NALF1: variants seen among roughly 807,000 people sequenced by gnomAD.
NALF1 encodes NALCN channel auxiliary factor 1.
A neutral mutation model predicts 48.4 loss-of-function variants in NALF1; 3 were observed. The observed-to-expected ratio is 0.06, with a 90% confidence interval of 0.03 to 0.16. The LOEUF is 0.16. Ranked by LOEUF, NALF1 falls within the 10% of genes least tolerant of loss-of-function variation. The probability of loss-of-function intolerance (pLI) is 1.00; values close to 1 mark genes in which losing one functional copy is unlikely to be tolerated. For missense variants in NALF1, 526 were observed against 571.5 expected (o/e 0.92, Z 0.81); for synonymous variants, 262 against 245.7 (o/e 1.07, Z -0.62).
At chr13:107,722,163 G>C (rs1212679527) in intron 1 of NALF1, among the ~76,000 whole-genome samples, 1 of 152,048 alleles carries the variant, frequency 6.6e-6, no homozygotes, top group Non-Finnish European at 1.5e-5. Flanking sequence ...AGAACACATG[G>C]TCTTATCATA....
rs1882880830 is a variant in NALF1, at chr13:107,351,762, G to C, written c.916-141007C>G. Among the ~76,000 whole-genome samples, 4 of 152,228 alleles carry C rather than the reference G, an allele frequency of 2.6e-5. 1 individual carries two copies. In the South Asian group the frequency reaches 8.3e-4, roughly 32 times the overall value. ...ACATATTTAGAGACAATTTTCTCTA[G>C]TGTCTTTTTTTAGGTTGACACTGTC... is the stretch of plus-strand genomic sequence containing the variant. On this transcript the variant is annotated intron_variant, in intron 1 of 2. Transcript: ENST00000375915.
At chr13:107,568,532 T>C (rs1484235583) in intron 1 of NALF1, among the ~76,000 whole-genome samples, 1 of 152,206 alleles carries the variant, frequency 6.6e-6, no homozygotes, top group African/African-American at 2.4e-5. Flanking sequence ...ACCAAACTAT[T>C]TTTGGAATAG....
intron 1 of NALF1, among the ~76,000 whole-genome samples, chr13:107,602,722 G>A (rs1010758434): frequency 6.6e-5 from 10 of 151,986 alleles, no homozygotes; most frequent in African/African-American, 9.7e-5. Flanking sequence ...TTATTCCTTC[G>A]CGTCTAACCC....
rs1881104252 is a variant in NALF1 at position 107,675,790 on chromosome 13, G to C, written c.915+189892C>G. Among the ~76,000 whole-genome samples, 3 of 152,258 alleles carry C rather than the reference G, an allele frequency of 2.0e-5. No individual in the cohort carries two copies. The South Asian group carries it at 6.2e-4, about 32-fold the overall frequency. On this transcript the variant is annotated intron_variant, in intron 1 of 2. Coordinates refer to ENST00000375915, the MANE Select transcript of NALF1 (RefSeq NM_001080396.3). ...GAATTACTTTGACAAGGAATACCAA[G>C]TCACTATTATAGAGCCAATCCAGAT... is the stretch of plus-strand genomic sequence containing the variant.
At chr13:107,256,303 T>C (rs764922240) in intron 1 of NALF1, among the ~76,000 whole-genome samples, 16 of 152,224 alleles carry the variant, frequency 1.1e-4, no homozygotes, top group Non-Finnish European at 1.6e-4. Context: ...TGTGCCTCTC[T>C]TCCTAACCCT....
At chr13:107,325,885 T>TACAC (rs1468507070) in intron 1 of NALF1, among the ~76,000 whole-genome samples, 111 of 69,744 alleles carry the variant, frequency 1.6e-3, no homozygotes, top group East Asian at 3.8e-3. Flanking sequence ...TATATATATA[T>TACAC]ATACACACAC....
At chr13:107,655,592 A>AATT (rs1880555650) in intron 1 of NALF1, among the ~76,000 whole-genome samples, 1 of 152,138 alleles carries the variant, frequency 6.6e-6, no homozygotes, top group Non-Finnish European at 1.5e-5. Flanking sequence ...TGCCAAAAGA[A>AATT]ATCTACAAAT....
At chr13:107,550,457 A>C (rs1195702814) in intron 1 of NALF1, among the ~76,000 whole-genome samples, 2 of 152,146 alleles carry the variant, frequency 1.3e-5, no homozygotes, top group African/African-American at 4.8e-5. Flanking sequence ...TTTTGTTAAC[A>C]CTTTAACACA....
chr13:107,220,226 CTA>C (rs1879961013), intron 1 of NALF1, among the ~76,000 whole-genome samples: 1 of 152,218 alleles, frequency 6.6e-6, no homozygotes, highest in South Asian at 2.1e-4. Flanking sequence ...TAACACCACA[CTA>C]TCTTTGTTGT....
At chr13:107,655,188 C>A (rs1407908562) in intron 1 of NALF1, among the ~76,000 whole-genome samples, 2 of 151,922 alleles carry the variant, frequency 1.3e-5, no homozygotes, top group African/African-American at 4.8e-5. Context: ...GGATGCAAAT[C>A]GGTAAAGAGG....
At chr13:107,728,865 C>T (rs74418652) in intron 1 of NALF1, among the ~76,000 whole-genome samples, 5,956 of 152,116 alleles carry the variant, frequency 0.039, 288 homozygotes, top group African/African-American at 0.11. Context: ...AAGATAAAGG[C>T]TCATAGCCAA....
At chr13:107,184,403 G>C (rs1475442756) in intron 2 of NALF1, among the ~76,000 whole-genome samples, 1 of 152,090 alleles carries the variant, frequency 6.6e-6, no homozygotes, top group Non-Finnish European at 1.5e-5. Flanking sequence ...TGCTTTGTGT[G>C]TTTCAGTTTA....
chr13:107,661,638 C>T (rs1416151319), intron 1 of NALF1, among the ~76,000 whole-genome samples: 1 of 151,700 alleles, frequency 6.6e-6, no homozygotes, highest in Non-Finnish European at 1.5e-5. Flanking sequence ...ATTAGCATTA[C>T]ATAATGTTCT....
In NALF1 at chr13:107,710,604, GCT is replaced by G. The variant is rs1267800173; in HGVS notation, c.915+155076_915+155077del. Among the ~76,000 whole-genome samples, 1,381 of 152,096 alleles carry G rather than the reference GCT, an allele frequency of 9.1e-3. 19 individuals carry two copies. The highest frequency in any genetic ancestry group is 0.031 in the African/African-American group (1,303 of 41,436). Reference sequence around the variant, plus strand: ...ATCAGGAGAGAGAGTGAGAGGAAGTGCTACACTTTTAAACCCTCAGATCTCGT... The same window carrying G: ...ATCAGGAGAGAGAGTGAGAGGAAGTGACACTTTTAAACCCTCAGATCTCGT... On this transcript the variant is annotated intron_variant, in intron 1 of 2. Transcript: ENST00000375915.
chr13:107,367,716 C>T (rs1394366876), intron 1 of NALF1, among the ~76,000 whole-genome samples: 1 of 152,164 alleles, frequency 6.6e-6, no homozygotes, highest in Non-Finnish European at 1.5e-5. Flanking sequence ...TACAACATTT[C>T]ATTTGACATC....
chr13:107,834,301 G>A (rs115334912), intron 1 of NALF1, among the ~76,000 whole-genome samples: 2,636 of 152,278 alleles, frequency 0.017, 84 homozygotes, highest in African/African-American at 0.06. Context: ...AGGGACAACT[G>A]TGGTCAATTA....
intron 1 of NALF1, among the ~76,000 whole-genome samples, chr13:107,841,797 CT>C (rs200351674): frequency 6.6e-6 from 1 of 151,908 alleles, no homozygotes; most frequent in Non-Finnish European, 1.5e-5. Flanking sequence ...AAATGTACGC[CT>C]TTTTTTATAA....
chr13:107,527,461 T>C (rs542765768), intron 1 of NALF1, among the ~76,000 whole-genome samples: 13 of 151,696 alleles, frequency 8.6e-5, no homozygotes, highest in Admixed American at 6.6e-4. Flanking sequence ...TAATTACGCA[T>C]ATGCATGGGG....
In NALF1 at chr13:107,454,213, T is replaced by G. The variant is rs1884788151; in HGVS notation, c.916-243458A>C. Among the ~76,000 whole-genome samples, 3 of 152,310 alleles carry G rather than the reference T, an allele frequency of 2.0e-5. No homozygotes were observed. The South Asian group carries it at 6.2e-4, about 32-fold the overall frequency. On this transcript the variant is annotated intron_variant, in intron 1 of 2. Transcript: ENST00000375915. ...TCCACATTTTCGGGTATCTTTATAG[T>G]AGCACCCCACTGCTGGTACCAATTT...
Sources: gnomAD v4.1 joint callset for allele counts (sites outside exome capture counted in the v4.1 genomes callset) on GRCh38, gnomAD v4.1.1 for gene constraint, MANE v1.5 for transcripts, NCBI Gene and HGNC (gene_info 2026-07-23, HGNC 2026-07-21) for gene names.